FBLN2: variants seen among roughly 807,000 people sequenced by gnomAD.
The protein encoded by FBLN2 is fibulin 2.
In FBLN2, 81 loss-of-function variants were observed where a neutral mutation model predicts 123.7. The observed-to-expected ratio is 0.65, with a 90% CI of 0.55 to 0.79. The LOEUF (loss-of-function observed/expected upper bound fraction) is 0.79, where lower values mean the gene tolerates loss of function less well. Ranked by LOEUF, FBLN2 falls within the 30% of genes least tolerant of loss-of-function variation. The pLI is 0.00. For missense variants in FBLN2, 1,603 were observed against 1,681.3 expected (o/e 0.95, Z 0.81); for synonymous variants, 699 against 701.4 (o/e 1.00, Z 0.05).
Position 13,571,034 on chromosome 3 carries a change from G to C in FBLN2, c.679G>C (p.Gly227Arg). The change falls in exon 2 of 18, where the codon GGC (glycine) becomes CGC (arginine). Residue 227 changes from glycine (G) to arginine (R), a missense_variant. Coordinates refer to ENST00000404922, the MANE Select transcript of FBLN2 (RefSeq NM_001004019.2). ...GGGTGCAGTCCAGGCAGGCGCAGGG[G>C]GCCCCCCAGCTGCTCTGGGAGGTGG... ...QAGAVQAGAG[G>R]PPAALGGGSQ... The C allele has an allele frequency of 6.4e-7, 1 of 1,573,618 alleles. No homozygotes were observed. The highest frequency in any genetic ancestry group is 8.6e-7 in the Non-Finnish European group (1 of 1,160,438).
At position 13,568,936 on chromosome 3, in the gene FBLN2, A is replaced by T. The variant is rs917526965; in HGVS notation, c.-41-1379A>T. 4.1e-6 allele frequency: 4 copies of T among 985,496 alleles called. No homozygotes were observed. In the African/African-American group the frequency reaches 7.0e-5, roughly 17 times the overall value. 61.0% of individuals were successfully genotyped at this position (985,496 alleles called of 1,614,324 possible). A position where few individuals can be genotyped will look rare whatever the true frequency, so the allele number is the denominator to read the frequency against. The stretch of plus-strand genomic sequence containing the variant: ...GGTGCAGAGGAGGCGTTCCTTTAGA[A>T]ATGGGGCAGGCTTGGGGACCACTGC... On this transcript the variant is annotated intron_variant, in intron 1 of 17. Transcript: ENST00000404922.
intron 15 of FBLN2, 146 bp downstream of exon 15, chr3:13,630,961 G>C: frequency 1.5e-6 from 1 of 676,610 alleles, no homozygotes; most frequent in Non-Finnish European, 2.5e-6. Context: ...CAGTTTCCTG[G>C]CTGTGTGACC....
At chr3:13,582,965 C>T (rs943723818) in intron 2 of FBLN2, among the ~76,000 whole-genome samples, 7 of 152,256 alleles carry the variant, frequency 4.6e-5, no homozygotes, top group Admixed American at 2.0e-4. Context: ...GGGCAGGGGC[C>T]GTTCCGCTGC....
rs768582990 is a variant in FBLN2 at position 13,621,796 on chromosome 3, G to C, written c.2177G>C (p.Gly726Ala). Reference sequence around the variant, plus strand: ...CTAGACCAAGACGAGTGCCTGATGGGTGCTCACGATTGTAGCCGGCGACAG... The same window carrying C: ...CTAGACCAAGACGAGTGCCTGATGGCTGCTCACGATTGTAGCCGGCGACAG... ...SCEDQDECLM[G>A]AHDCSRRQFC... The change falls in exon 9 of 18, where the codon GGT becomes GCT. Residue 726 changes from glycine to alanine, a missense_variant. Gly to Ala is a moderately conservative substitution (Grantham distance 60, BLOSUM62 0). Coordinates refer to ENST00000404922, the MANE Select transcript of FBLN2 (RefSeq NM_001004019.2). The C allele has an allele frequency of 6.2e-7, 1 of 1,614,000 alleles. No individual in the cohort carries two copies. Among genetic ancestry groups the C allele is most frequent in the African/African-American group, 1.3e-5 (1 of 75,056 alleles).
At chr3:13,621,148 A>G (rs548611280) in intron 8 of FBLN2, among the ~76,000 whole-genome samples, 4 of 152,366 alleles carry the variant, frequency 2.6e-5, no homozygotes, top group Admixed American at 2.6e-4. Context: ...AAGCCCTGGC[A>G]GTGAAAGCTG....
intron 2 of FBLN2, among the ~76,000 whole-genome samples, chr3:13,581,759 C>T (rs1369140211): frequency 6.6e-6 from 1 of 152,178 alleles, no homozygotes; most frequent in African/African-American, 2.4e-5. Context: ...GCTTCACGTG[C>T]CTCCTCTCAT....
chr3:13,565,086 C>T (rs1703704403), intron 1 of FBLN2, among the ~76,000 whole-genome samples: 1 of 152,168 alleles, frequency 6.6e-6, no homozygotes, highest in Non-Finnish European at 1.5e-5. Context: ...TGCTGAGTCA[C>T]CTGTCCCTGC....
At position 13,637,937 on chromosome 3, in the gene FBLN2, C is replaced by G; in HGVS notation, c.*18C>G. On this transcript the variant is annotated 3_prime_UTR_variant, in exon 18 of 18. Coordinates refer to ENST00000404922, the MANE Select transcript of FBLN2 (RefSeq NM_001004019.2). ...CCCTGTGAGGTGCCAGCACGGGCCA[C>G]CTGCGGGTGTGGCGCAGCCCAGGGC... 1.3e-6 allele frequency: 2 copies of G among 1,558,580 alleles called. No homozygotes were observed. The highest frequency in any genetic ancestry group is 1.7e-6 in the Non-Finnish European group (2 of 1,146,630).
intron 2 of FBLN2, among the ~76,000 whole-genome samples, chr3:13,591,489 T>C (rs1704672863): frequency 2.6e-5 from 4 of 152,254 alleles, no homozygotes; most frequent in Admixed American, 2.6e-4. Context: ...GGTTTCACCA[T>C]GTTGGCCAGG....
At chr3:13,593,251 CT>C (rs1704732721) in intron 2 of FBLN2, among the ~76,000 whole-genome samples, 1 of 152,186 alleles carries the variant, frequency 6.6e-6, no homozygotes, top group African/African-American at 2.4e-5. Context: ...CATTGGAGTC[CT>C]GCACATGTTA....
intron 1 of FBLN2, among the ~76,000 whole-genome samples, chr3:13,552,184 C>T (rs903222964): frequency 1.3e-5 from 2 of 150,820 alleles, no homozygotes; most frequent in Non-Finnish European, 2.9e-5. Context: ...GGTCCCTTCC[C>T]CCACACTGCT....
chr3:13,614,307 C>T (rs943245440), intron 5 of FBLN2, 143 bp downstream of exon 5: 27 of 855,086 alleles, frequency 3.2e-5, no homozygotes, highest in Non-Finnish European at 4.2e-5. Flanking sequence ...ATGGTGATTT[C>T]ATTGTTTTCT....
At chr3:13,617,719 CCATT>C (rs1182306229) in intron 5 of FBLN2, among the ~76,000 whole-genome samples, 1 of 110,040 alleles carries the variant, frequency 9.1e-6, no homozygotes, top group African/African-American at 3.7e-5. Context: ...ATCCATCCAT[CCATT>C]CATCCACCCC....
At chr3:13,564,659 C>T (rs531837876) in intron 1 of FBLN2, among the ~76,000 whole-genome samples, 2 of 152,356 alleles carry the variant, frequency 1.3e-5, no homozygotes, top group East Asian at 3.9e-4. Flanking sequence ...AAGACCTTTC[C>T]TTCCTGATCC....
chr3:13,581,278 C>T (rs886536750), intron 2 of FBLN2, among the ~76,000 whole-genome samples: 9 of 151,944 alleles, frequency 5.9e-5, no homozygotes, highest in African/African-American at 2.2e-4. Context: ...GGATGGGGAA[C>T]ATGAAAGTCC....
In FBLN2 at chr3:13,570,963, T is replaced by G; in HGVS notation, c.608T>G (p.Val203Gly). 6.2e-7 allele frequency: 1 copy of G among 1,611,604 alleles called. No homozygotes were observed. Among genetic ancestry groups the G allele is most frequent in the Non-Finnish European group, 8.5e-7 (1 of 1,179,112 alleles). Residue 203 changes from valine to glycine, a missense_variant, in exon 2 of 18, where the codon GTG becomes GGG. Coordinates refer to ENST00000404922, the MANE Select transcript of FBLN2 (RefSeq NM_001004019.2). ...YEDPYSYDQE[V>G]AEVEAATALG... ...GACCCCTACAGCTATGACCAGGAGG[T>G]GGCCGAGGTGGAAGCAGCAACAGCC...
intron 16 of FBLN2, among the ~76,000 whole-genome samples, chr3:13,632,461 G>C (rs1706289497): frequency 6.6e-6 from 1 of 152,210 alleles, no homozygotes; most frequent in African/African-American, 2.4e-5. Context: ...CTCCCAGAAG[G>C]GTTTGGAGTT....
At chr3:13,601,962 T>A (rs1705048502) in intron 2 of FBLN2, among the ~76,000 whole-genome samples, 1 of 152,206 alleles carries the variant, frequency 6.6e-6, no homozygotes, top group African/African-American at 2.4e-5. Context: ...CATGCCTGGT[T>A]AAATTTTTTC....
intron 2 of FBLN2, among the ~76,000 whole-genome samples, chr3:13,607,421 G>A (rs1001802511): frequency 6.6e-6 from 1 of 152,248 alleles, no homozygotes; most frequent in Non-Finnish European, 1.5e-5. Flanking sequence ...TTCAGGCTGA[G>A]TAGGCTTAGG....
Sources: allele counts gnomAD v4.1 joint callset (sites outside exome capture counted in the v4.1 genomes callset), GRCh38; gene constraint gnomAD v4.1.1; transcripts MANE v1.5; gene names NCBI Gene and HGNC (gene_info 2026-07-23, HGNC 2026-07-21).